Variants in TM9SF3 observed in about 807,000 individuals in gnomAD.
The protein encoded by TM9SF3 is SM-11044-binding protein.
TM9SF3 carries 14 observed loss-of-function variants against 78.6 expected under a neutral mutation model. The observed-to-expected ratio is 0.18, with a 90% CI of 0.12 to 0.28. The LOEUF is 0.28. Ranked by LOEUF, TM9SF3 falls within the 10% of genes least tolerant of loss-of-function variation. TM9SF3 has a pLI of 1.00. For missense variants in TM9SF3, 496 were observed against 721.9 expected, an observed-to-expected ratio of 0.69 and a Z score of 3.59; for synonymous variants, 231 against 241.7, an observed-to-expected ratio of 0.96 and a Z score of 0.41.
chr10:96,557,396 T>C (rs1848246898), intron 5 of TM9SF3, among the ~76,000 whole-genome samples: 1 of 101,054 alleles, frequency 9.9e-6, no homozygotes, highest in African/African-American at 4.2e-5. Context: ...AATCACGAAA[T>C]GCCGCCAGCT....
chr10:96,548,794 T>A lies in TM9SF3; in HGVS notation c.960-805A>T, dbSNP rs1427373716. On this transcript the variant is annotated intron_variant, in intron 7 of 14. Coordinates refer to ENST00000371142, the MANE Select transcript of TM9SF3 (RefSeq NM_020123.4). ...GCCTGGATGTCAAAGCAAGACTCCA[T>A]CTCAAAAAAAAAAAAAAAAAAAAAA... Among the ~76,000 whole-genome samples, 21 of 96,120 alleles carry A rather than the reference T, an allele frequency of 2.2e-4. No homozygotes were observed. The Admixed American group carries it at 2.7e-3, about 12-fold the overall frequency. 63.1% of individuals were successfully genotyped at this position (96,120 alleles called of 152,430 possible).
chr10:96,557,607 A>G (rs951068574), intron 5 of TM9SF3, among the ~76,000 whole-genome samples: 2 of 152,134 alleles, frequency 1.3e-5, no homozygotes, highest in African/African-American at 4.8e-5. Context: ...ATGACCATGG[A>G]TAATCTGGCT....
chr10:96,529,173 G>A (rs1847870115), intron 11 of TM9SF3, among the ~76,000 whole-genome samples: 1 of 152,138 alleles, frequency 6.6e-6, no homozygotes, highest in South Asian at 2.1e-4. Flanking sequence ...TTCCTGAACT[G>A]ACTTTAATAA....
chr10:96,542,072 G>A (rs1848040371), intron 9 of TM9SF3, among the ~76,000 whole-genome samples: 1 of 152,210 alleles, frequency 6.6e-6, no homozygotes, highest in Non-Finnish European at 1.5e-5. Context: ...GAGTTTATGA[G>A]ACTATGTAAC....
intron 5 of TM9SF3, among the ~76,000 whole-genome samples, chr10:96,554,835 T>C (rs1351749378): frequency 1.3e-5 from 2 of 152,206 alleles, no homozygotes; most frequent in Non-Finnish European, 2.9e-5. Flanking sequence ...TCTGATTCTC[T>C]AACTTCTGCT....
intron 9 of TM9SF3, among the ~76,000 whole-genome samples, chr10:96,538,056 G>A (rs1847980853): frequency 1.3e-5 from 2 of 152,080 alleles, no homozygotes; most frequent in South Asian, 4.1e-4. Flanking sequence ...ACTTTATATG[G>A]AAATGCAAAG....
At chr10:96,554,400 T>C (rs1848210076) in intron 5 of TM9SF3, among the ~76,000 whole-genome samples, 1 of 152,090 alleles carries the variant, frequency 6.6e-6, no homozygotes, top group African/African-American at 2.4e-5. Flanking sequence ...AAAATTTCTC[T>C]CAAAGGCCTG....
Position 96,586,764 on chromosome 10 carries a change from G to C in TM9SF3, c.72C>G (p.Pro24=), listed in dbSNP as rs891969656. The C allele has an allele frequency of 7.0e-6, 9 of 1,288,006 alleles. No individual in the cohort carries two copies. The African/African-American group carries it at 1.4e-4, about 20-fold the overall frequency. The allele number at this position is 1,288,006 out of a possible 1,614,324, so 79.8% of individuals were successfully genotyped here. ...GTTCGTGCTCGTCCGCCCGGGTCCG[G>C]GGCAGCAGCAGCAGCAGCAGCCACA... ...AALWLLLLLL[P]RTRADEHEHT... is the part of the protein sequence containing the mutation. The change falls in exon 1 of 15, where the codon CCC becomes CCG. Residue 24 remains proline (P), a synonymous_variant. Coordinates refer to ENST00000371142, the MANE Select transcript of TM9SF3 (RefSeq NM_020123.4).
intron 4 of TM9SF3, chr10:96,560,742 A>G: frequency 1.7e-6 from 1 of 572,980 alleles, no homozygotes; most frequent in Admixed American, 1.9e-5. Flanking sequence ...TACATGAGAT[A>G]ATCCAGCCAA....
chr10:96,536,685 C>T (rs1333699753), intron 9 of TM9SF3, among the ~76,000 whole-genome samples: 1 of 152,180 alleles, frequency 6.6e-6, no homozygotes, highest in Non-Finnish European at 1.5e-5. Context: ...AGACACCCCT[C>T]CTTCTTCTTC....
intron 5 of TM9SF3, among the ~76,000 whole-genome samples, chr10:96,555,612 A>G (rs1196566430): frequency 1.3e-5 from 2 of 152,194 alleles, no homozygotes; most frequent in East Asian, 1.9e-4. Context: ...GATAAACTCT[A>G]TGGATCTTCT....
chr10:96,556,722 T>C (rs1848238176), intron 5 of TM9SF3, among the ~76,000 whole-genome samples: 1 of 152,128 alleles, frequency 6.6e-6, no homozygotes, highest in Non-Finnish European at 1.5e-5. Flanking sequence ...ATTTCTTTGC[T>C]CCCTTTAGCA....
chr10:96,539,815 T>C (rs1848001394), intron 9 of TM9SF3, among the ~76,000 whole-genome samples: 1 of 151,556 alleles, frequency 6.6e-6, no homozygotes. Flanking sequence ...AAAAGAAAAA[T>C]GTCCAAAAAA....
rs538064075 is a variant in TM9SF3 at position 96,525,869 on chromosome 10, T to C, written c.1702+1344A>G. ...AAAAAAGTGAGTTACTTGTATGAGT[T>C]TCCCTTAAGTTACCTCTGCCAGAAC... is the stretch of plus-strand genomic sequence containing the variant. On this transcript the variant is annotated intron_variant, in intron 14 of 14. Coordinates refer to ENST00000371142, the MANE Select transcript of TM9SF3 (RefSeq NM_020123.4). Among the ~76,000 whole-genome samples the C allele has an allele frequency of 2.0e-5, 3 of 152,194 alleles. No homozygotes were observed. In the East Asian group the frequency reaches 5.8e-4, roughly 29 times the overall value.
chr10:96,540,140 T>G (rs546599779), intron 9 of TM9SF3, among the ~76,000 whole-genome samples: 1 of 152,350 alleles, frequency 6.6e-6, no homozygotes, highest in African/African-American at 2.4e-5. Flanking sequence ...TTATTTTATA[T>G]TACTAGTTTC....
chr10:96,580,343 G>A (rs1167958268), intron 1 of TM9SF3, among the ~76,000 whole-genome samples: 2 of 152,110 alleles, frequency 1.3e-5, no homozygotes, highest in African/African-American at 2.4e-5. Context: ...TCGGCTCACT[G>A]AAAGCTCCGC....
chr10:96,571,122 T>TA (rs1311667136), intron 2 of TM9SF3, among the ~76,000 whole-genome samples: 3 of 152,048 alleles, frequency 2.0e-5, no homozygotes, highest in African/African-American at 7.3e-5. Flanking sequence ...GGAGAAAACA[T>TA]AACAGGAGAG....
At chr10:96,531,438 A>G (rs1171095000) in intron 10 of TM9SF3, among the ~76,000 whole-genome samples, 2 of 152,236 alleles carry the variant, frequency 1.3e-5, no homozygotes, top group African/African-American at 4.8e-5. Context: ...GGCAGAAGCT[A>G]TTCATCTAGG....
chr10:96,586,749 G>A lies in TM9SF3; in HGVS notation c.87C>T (p.Asp29=). The A allele has an allele frequency of 2.4e-6, 3 of 1,272,540 alleles. No homozygotes were observed. Among genetic ancestry groups the A allele is most frequent in the Non-Finnish European group, 3.0e-6 (3 of 1,011,210 alleles). 78.8% of individuals were successfully genotyped at this position (1,272,540 alleles called of 1,614,324 possible). The part of the protein sequence containing the change: ...LLLLLPRTRA[D]EHEHTYQDKE... Reference sequence around the variant, plus strand: ...GGCGCCTCACCGTGTGTTCGTGCTCGTCCGCCCGGGTCCGGGGCAGCAGCA... The same window carrying A: ...GGCGCCTCACCGTGTGTTCGTGCTCATCCGCCCGGGTCCGGGGCAGCAGCA... Residue 29 remains aspartate, a synonymous_variant, in exon 1 of 15, where the codon GAC becomes GAT. Coordinates refer to ENST00000371142, the MANE Select transcript of TM9SF3 (RefSeq NM_020123.4).
Sources: allele counts gnomAD v4.1 joint callset (sites outside exome capture counted in the v4.1 genomes callset), GRCh38; gene constraint gnomAD v4.1.1; transcripts MANE v1.5; gene names NCBI Gene and HGNC (gene_info 2026-07-23, HGNC 2026-07-21).